Variants in EXOC6B observed in about 807,000 individuals in gnomAD.
EXOC6B encodes SEC15 homolog B.
Under a neutral mutation model 113.5 loss-of-function variants are expected in EXOC6B, and 54 were observed. That is an observed-to-expected ratio of 0.48 (90% CI 0.38 to 0.60). The LOEUF (loss-of-function observed/expected upper bound fraction) is 0.60. EXOC6B is among the 20% of genes least tolerant of loss of function. EXOC6B has a pLI of 0.00. For missense variants in EXOC6B, 797 were observed against 977.5 expected (o/e 0.82, Z 2.46); for synonymous variants, 357 against 339.0 (o/e 1.05, Z -0.58).
intron 1 of EXOC6B, among the ~76,000 whole-genome samples, chr2:72,794,112 CATAT>C (rs1354688693): frequency 2.6e-5 from 4 of 152,176 alleles, no homozygotes; most frequent in African/African-American, 9.7e-5. Flanking sequence ...CATTAATCGT[CATAT>C]ATAAACATCC....
At chr2:72,246,357 C>T (rs1477051572) in intron 20 of EXOC6B, among the ~76,000 whole-genome samples, 1 of 152,026 alleles carries the variant, frequency 6.6e-6, no homozygotes, top group Non-Finnish European at 1.5e-5. Flanking sequence ...TGTTTTATTC[C>T]CTAGAATGGT....
chr2:72,193,705 G>A lies in EXOC6B; in HGVS notation c.2197-9518C>T, dbSNP rs73942552. Among the ~76,000 whole-genome samples the A allele has an allele frequency of 4.4e-3, 668 of 152,252 alleles. 4 individuals carry two copies. The highest frequency in any genetic ancestry group is 0.034 in the Middle Eastern group (10 of 294). The stretch of plus-strand genomic sequence containing the variant: ...GGTAGGTGGTGACTGGTAGGATGGG[G>A]TGGGGGTGTCAAGCAAGGAATCTGA... On this transcript the variant is annotated intron_variant, in intron 20 of 21. Coordinates refer to ENST00000272427, the MANE Select transcript of EXOC6B (RefSeq NM_015189.3).
At chr2:72,411,180 C>CA (rs1385832398) in intron 18 of EXOC6B, among the ~76,000 whole-genome samples, 1 of 152,074 alleles carries the variant, frequency 6.6e-6, no homozygotes, top group South Asian at 2.1e-4. Context: ...CCACTGCACT[C>CA]CAGCCTGGGT....
At chr2:72,401,554 T>G in intron 18 of EXOC6B, among the ~76,000 whole-genome samples, 2 of 39,204 alleles carry the variant, frequency 5.1e-5, no homozygotes, top group African/African-American at 3.2e-4. Flanking sequence ...TGTGTATATA[T>G]ATATATATAT....
intron 1 of EXOC6B, among the ~76,000 whole-genome samples, chr2:72,788,415 C>A (rs1438468651): frequency 6.6e-6 from 1 of 152,086 alleles, no homozygotes; most frequent in Non-Finnish European, 1.5e-5. Flanking sequence ...AAGTGGGGTT[C>A]TTTTTTTGCT....
intron 20 of EXOC6B, among the ~76,000 whole-genome samples, chr2:72,217,034 CAAA>C (rs11442630): frequency 3.3e-5 from 4 of 119,948 alleles, no homozygotes; most frequent in African/African-American, 8.9e-5. Flanking sequence ...GACTCCATAT[CAAA>C]AAAAAAAAAA....
chr2:72,469,244 A>G (rs1698248941), intron 17 of EXOC6B, among the ~76,000 whole-genome samples: 1 of 152,092 alleles, frequency 6.6e-6, no homozygotes, highest in African/African-American at 2.4e-5. Flanking sequence ...CCACCTATTC[A>G]TCCATCCAGG....
chr2:72,592,590 C>T (rs1706041915), intron 6 of EXOC6B, among the ~76,000 whole-genome samples: 1 of 152,190 alleles, frequency 6.6e-6, no homozygotes, highest in African/African-American at 2.4e-5. Flanking sequence ...AAGATACCAT[C>T]ATCCCAGACT....
At chr2:72,451,195 C>T (rs553809600) in intron 18 of EXOC6B, among the ~76,000 whole-genome samples, 3 of 152,266 alleles carry the variant, frequency 2.0e-5, no homozygotes, top group East Asian at 1.9e-4. Context: ...AGATGGAATG[C>T]GTGCTCACAA....
rs540955007 is a variant in EXOC6B at position 72,764,852 on chromosome 2, C to T, written c.114-23383G>A. On this transcript the variant is annotated intron_variant, in intron 1 of 21. Coordinates refer to ENST00000272427, the MANE Select transcript of EXOC6B (RefSeq NM_015189.3). Reference sequence around the variant, plus strand: ...TTATTTTAACTATACAAATATTCTTCACTTTTAAGCCAGATCGTATACTAA... The same window carrying T: ...TTATTTTAACTATACAAATATTCTTTACTTTTAAGCCAGATCGTATACTAA... Among the ~76,000 whole-genome samples the T allele has an allele frequency of 3.0e-4, 45 of 152,286 alleles. 1 individual carries two copies. Among genetic ancestry groups the T allele is most frequent in the Admixed American group, 1.3e-3 (20 of 15,292 alleles).
Position 72,638,627 on chromosome 2 carries a change from T to C in EXOC6B, c.670-62959A>G, listed in dbSNP as rs377020787. Among the ~76,000 whole-genome samples the C allele has an allele frequency of 1.5e-4, 23 of 152,252 alleles. 2 individuals are homozygous for C. The highest frequency in any genetic ancestry group is 4.6e-4 in the African/African-American group (19 of 41,542). On this transcript the variant is annotated intron_variant, in intron 6 of 21. Coordinates refer to ENST00000272427, the MANE Select transcript of EXOC6B (RefSeq NM_015189.3). ...AGTTGAACTGGCAAGGAGCAACCTGTTCTCATCATGGGTCTCTGGAACCCC... is the reference window on the plus strand; with the variant it reads ...AGTTGAACTGGCAAGGAGCAACCTGCTCTCATCATGGGTCTCTGGAACCCC...
intron 20 of EXOC6B, among the ~76,000 whole-genome samples, chr2:72,306,827 A>G (rs916890006): frequency 6.6e-6 from 1 of 152,182 alleles, no homozygotes; most frequent in African/African-American, 2.4e-5. Flanking sequence ...AAATTCTGGG[A>G]AAAAACATGA....
chr2:72,748,738 A>G (rs1319397069), intron 1 of EXOC6B, among the ~76,000 whole-genome samples: 1 of 152,064 alleles, frequency 6.6e-6, no homozygotes. Context: ...AACCCCAATG[A>G]TGGCTATTTC....
chr2:72,616,557 C>T (rs1671397941), intron 6 of EXOC6B, among the ~76,000 whole-genome samples: 1 of 152,194 alleles, frequency 6.6e-6, no homozygotes, highest in African/African-American at 2.4e-5. Context: ...CAAGTCACGT[C>T]TTACATGGAT....
intron 1 of EXOC6B, among the ~76,000 whole-genome samples, chr2:72,781,882 T>C (rs553322710): frequency 2.6e-5 from 4 of 152,232 alleles, no homozygotes; most frequent in Non-Finnish European, 5.9e-5. Context: ...TTCGCACTTG[T>C]AATCCCAGAA....
chr2:72,208,067 G>A (rs1017019919), intron 20 of EXOC6B, among the ~76,000 whole-genome samples: 11 of 152,004 alleles, frequency 7.2e-5, no homozygotes, highest in Admixed American at 2.0e-4. Flanking sequence ...GGGATGTCAG[G>A]TTTCATCTTT....
At chr2:72,236,710 T>C (rs1681979309) in intron 20 of EXOC6B, among the ~76,000 whole-genome samples, 1 of 152,122 alleles carries the variant, frequency 6.6e-6, no homozygotes, top group Non-Finnish European at 1.5e-5. Flanking sequence ...GTTATTTTCC[T>C]GGCAACTTTT....
In EXOC6B at chr2:72,628,109, A is replaced by G. The variant is rs372075573; in HGVS notation, c.670-52441T>C. 1.5e-4 allele frequency among the ~76,000 whole-genome samples: 23 copies of G among 152,134 alleles called. 2 individuals carry two copies. Among genetic ancestry groups the G allele is most frequent in the African/African-American group, 4.6e-4 (19 of 41,532 alleles). On this transcript the variant is annotated intron_variant, in intron 6 of 21. Transcript: ENST00000272427. ...TATAGAGATGCTTTTGGAGAAAATG[A>G]TTTTGTAGAAAATTATTATTGTTAT...
chr2:72,446,420 T>C (rs72845109), intron 18 of EXOC6B, among the ~76,000 whole-genome samples: 2,319 of 151,724 alleles, frequency 0.015, 22 homozygotes, highest in Non-Finnish European at 0.023. Context: ...GTGGTATATA[T>C]ACACCATAGA....
Sources: gnomAD v4.1 joint callset for allele counts (sites outside exome capture counted in the v4.1 genomes callset) on GRCh38, gnomAD v4.1.1 for gene constraint, MANE v1.5 for transcripts, NCBI Gene and HGNC (gene_info 2026-07-23, HGNC 2026-07-21) for gene names.